PTCH1: variants seen among roughly 807,000 people sequenced by gnomAD.
PTCH1 encodes the protein patched 1.
In PTCH1, 14 loss-of-function variants were observed where a neutral mutation model predicts 144.6. The observed-to-expected ratio is 0.10, with a 90% CI of 0.06 to 0.15. The LOEUF is 0.15. Among genes scored for constraint, PTCH1 ranks in the 10% least tolerant of loss-of-function variants. PTCH1 has a pLI of 1.00. For synonymous variants in PTCH1, 833 were observed against 793.6 expected (o/e 1.05, Z -0.83); for missense variants, 1,623 against 1,948.3 (o/e 0.83, Z 3.14).
At chr9:95,474,649 C>G (rs529692413) in intron 12 of PTCH1, among the ~76,000 whole-genome samples, 1 of 152,294 alleles carries the variant, frequency 6.6e-6, no homozygotes, top group South Asian at 2.1e-4. Context: ...AAAGATGCCT[C>G]CATTCCCAAA....
chr9:95,446,340 G>C lies in PTCH1; in HGVS notation c.*53C>G, dbSNP rs1482097179. The C allele has an allele frequency of 1.9e-6, 1 of 517,658 alleles. No homozygotes were observed. Among genetic ancestry groups the C allele is most frequent in the Admixed American group, 1.9e-5 (1 of 51,462 alleles). 32.1% of individuals were successfully genotyped at this position (517,658 alleles called of 1,614,324 possible). A position where few individuals can be genotyped will look rare whatever the true frequency, so the allele number is the denominator to read the frequency against. On this transcript the variant is annotated 3_prime_UTR_variant, in exon 24 of 24. Transcript: ENST00000331920. ...TCTTCAAGCAGTTCTGGAAAGAGGTGGGGGTGGGGGGTTTCCAATCTTTGG... is the reference window on the plus strand; with the variant it reads ...TCTTCAAGCAGTTCTGGAAAGAGGTCGGGGTGGGGGGTTTCCAATCTTTGG...
intron 1 of PTCH1, chr9:95,507,876 G>A (rs1843832633): frequency 8.0e-7 from 1 of 1,255,022 alleles, no homozygotes; most frequent in African/African-American, 1.6e-5. Flanking sequence ...CAGTGCTCCG[G>A]AAAAGGCACA....
At chr9:95,464,954 CG>C (rs1839867134) in intron 15 of PTCH1, among the ~76,000 whole-genome samples, 1 of 152,102 alleles carries the variant, frequency 6.6e-6, no homozygotes, top group Non-Finnish European at 1.5e-5. Context: ...AGTGCTCTAG[CG>C]GACCCTGTAA....
chr9:95,455,092 T>C (rs1290475016), intron 19 of PTCH1, among the ~76,000 whole-genome samples: 1 of 152,144 alleles, frequency 6.6e-6, no homozygotes, highest in Non-Finnish European at 1.5e-5. Flanking sequence ...AAATAGTCCC[T>C]CCTCCCAGCT....
chr9:95,477,448 G>A (rs28448271), intron 10 of PTCH1, 99 bp downstream of exon 10: 140,909 of 1,511,230 alleles, frequency 0.093, 6,939 homozygotes, highest in African/African-American at 0.14. Flanking sequence ...AGACCCTTCC[G>A]GTGAGAAGGA....
chr9:95,499,013 C>T (rs535840574), intron 2 of PTCH1, among the ~76,000 whole-genome samples: 4 of 152,298 alleles, frequency 2.6e-5, no homozygotes, highest in Admixed American at 2.0e-4. Context: ...TGAAGTGGGG[C>T]ACCTGGGAGG....
In PTCH1 at chr9:95,469,170, C is replaced by T. The variant is rs375623107; in HGVS notation, c.1848-17G>A. 1 of 1,613,952 alleles carries T rather than the reference C, an allele frequency of 6.2e-7. No homozygotes were observed. The highest frequency in any genetic ancestry group is 8.5e-7 in the Non-Finnish European group (1 of 1,179,992). On this transcript the variant is annotated splice_polypyrimidine_tract_variant and intron_variant, in intron 13 of 23. Transcript: ENST00000331920. ...ACGCAGGGGCTGAAAGGAGGGGAAA[C>T]ATGTTGCAATGTTATGCTGAAACAG...
At chr9:95,502,797 CCTCTTTATAAAGCCAA>C (rs1843245025) in intron 2 of PTCH1, among the ~76,000 whole-genome samples, 1 of 152,140 alleles carries the variant, frequency 6.6e-6, no homozygotes, top group African/African-American at 2.4e-5. Context: ...TGTATTCTGC[CCTCTTTATAAAGCCAA>C]CTCTTTATAA....
intron 20 of PTCH1, chr9:95,452,358 A>ACACACAC (rs1239066232): frequency 2.1e-5 from 2 of 94,030 alleles, no homozygotes; most frequent in African/African-American, 9.2e-5. Flanking sequence ...CACACACACA[A>ACACACAC]CCTCTCAGTA....
At position 95,480,035 on chromosome 9, in the gene PTCH1, T is replaced by C. The variant is rs1841406856; in HGVS notation, c.1001A>G (p.Tyr334Cys). 6.2e-7 allele frequency: 1 copy of C among 1,613,954 alleles called. No individual in the cohort carries two copies. Among genetic ancestry groups the C allele is most frequent in the Non-Finnish European group, 8.5e-7 (1 of 1,180,044 alleles). ...NGGCHGLSRK[Y>C]MHWQEELIVG... is the part of the protein sequence containing the mutation. ...AATCAACTCCTCCTGCCAGTGCATA[T>C]ACTTTCTGGATAAGCCATGACATCC... The change falls in exon 7 of 24, where the codon TAT becomes TGT. Residue 334 changes from tyrosine to cysteine, a missense_variant. Coordinates refer to ENST00000331920, the MANE Select transcript of PTCH1 (RefSeq NM_000264.5).
intron 3 of PTCH1, 74 bp downstream of exon 3, chr9:95,485,611 C>CG: frequency 6.4e-7 from 1 of 1,564,054 alleles, no homozygotes; most frequent in Non-Finnish European, 8.8e-7. Context: ...ACTAAAATAA[C>CG]GGGGCCTAAA....
chr9:95,516,410 G>A (rs1312192411), intron 1 of PTCH1: 12 of 1,296,572 alleles, frequency 9.3e-6, no homozygotes, highest in Non-Finnish European at 1.2e-5. Flanking sequence ...CGCGCCGCCC[G>A]AGGAGCACGG....
intron 3 of PTCH1, chr9:95,484,438 T>C (rs1485118851): frequency 2.0e-5 from 3 of 152,216 alleles, no homozygotes; most frequent in Admixed American, 2.0e-4. Context: ...GACATGTGAC[T>C]CGACCCTGGC....
At chr9:95,456,696 AC>A in intron 18 of PTCH1, among the ~76,000 whole-genome samples, 1 of 152,310 alleles carries the variant, frequency 6.6e-6, no homozygotes, top group African/African-American at 2.4e-5. Context: ...AACATACAGA[AC>A]AACTCCACCA....
intron 16 of PTCH1, among the ~76,000 whole-genome samples, chr9:95,460,172 T>C (rs1396960506): frequency 6.6e-6 from 1 of 152,218 alleles, no homozygotes; most frequent in East Asian, 1.9e-4. Flanking sequence ...CCTCTGTTGT[T>C]AACACTGAAG....
intron 20 of PTCH1, 38 bp downstream of exon 20, chr9:95,453,440 G>A (rs528981952): frequency 6.2e-7 from 1 of 1,612,844 alleles, no homozygotes; most frequent in South Asian, 1.1e-5. Context: ...CAATCACAAT[G>A]ATTTCTAAAA....
intron 3 of PTCH1, 50 bp from the exon 4 acceptor site, chr9:95,482,253 T>C (rs931491506): frequency 6.6e-7 from 1 of 1,522,532 alleles, no homozygotes; most frequent in Non-Finnish European, 9.1e-7. Context: ...AATAAGAAAA[T>C]TAGTGCAAAT....
exon 1 of PTCH1, chr9:95,516,845 G>A (rs1236839698): frequency 1.9e-6 from 3 of 1,574,622 alleles, no homozygotes; most frequent in Admixed American, 3.7e-5. Flanking sequence ...GTGGTCTGCC[G>A]CGCCATAGGC....
At position 95,506,617 on chromosome 9, in the gene PTCH1, G is replaced by C; in HGVS notation, c.202-18C>G. The C allele has an allele frequency of 1.3e-6, 2 of 1,585,798 alleles. No individual in the cohort carries two copies. The highest frequency in any genetic ancestry group is 1.7e-6 in the Non-Finnish European group (2 of 1,165,278). On this transcript the variant is annotated intron_variant, in intron 1 of 23. Coordinates refer to ENST00000331920, the MANE Select transcript of PTCH1 (RefSeq NM_000264.5). ...GCCTTCCCCTGGGGACGAAGCAGAA[G>C]GGAGGAGTGAGCGCCGGGGAGTCGC...
Sources: gnomAD v4.1 joint callset for allele counts (sites outside exome capture counted in the v4.1 genomes callset) on GRCh38, gnomAD v4.1.1 for gene constraint, MANE v1.5 for transcripts, NCBI Gene and HGNC (gene_info 2026-07-23, HGNC 2026-07-21) for gene names.